Variants in TRPC4AP observed in about 807,000 individuals in gnomAD.
TRPC4AP encodes short transient receptor potential channel 4-associated protein.
A neutral mutation model predicts 99.0 loss-of-function variants in TRPC4AP; 45 were observed. The observed-to-expected ratio is 0.45, with a 90% CI of 0.36 to 0.58. The LOEUF (loss-of-function observed/expected upper bound fraction) is 0.58. Among genes scored for constraint, TRPC4AP ranks in the 20% least tolerant of loss-of-function variants. The pLI is 0.00. For synonymous variants in TRPC4AP, 408 were observed against 385.8 expected (o/e 1.06, Z -0.67); for missense variants, 879 against 985.3 (o/e 0.89, Z 1.44).
At chr20:35,091,498 TC>T (rs1292596348) in intron 1 of TRPC4AP, among the ~76,000 whole-genome samples, 1 of 152,102 alleles carries the variant, frequency 6.6e-6, no homozygotes. Flanking sequence ...TCCCATTTTC[TC>T]CCCCTTTAGC....
chr20:35,040,473 C>G (rs963883858), intron 7 of TRPC4AP, among the ~76,000 whole-genome samples: 2 of 152,172 alleles, frequency 1.3e-5, no homozygotes, highest in Non-Finnish European at 2.9e-5. Flanking sequence ...GAGACTTGCA[C>G]CAGCAGTTTC....
chr20:35,027,731 G>A (rs2083065423), intron 8 of TRPC4AP, among the ~76,000 whole-genome samples: 1 of 152,120 alleles, frequency 6.6e-6, no homozygotes, highest in African/African-American at 2.4e-5. Flanking sequence ...TCCTGAGTTA[G>A]CTGCAATAGT....
chr20:35,075,667 C>A (rs1381519861), intron 2 of TRPC4AP, among the ~76,000 whole-genome samples: 3 of 152,182 alleles, frequency 2.0e-5, no homozygotes, highest in Non-Finnish European at 4.4e-5. Flanking sequence ...GTAACCCGAC[C>A]TTTCTCTCTG....
At chr20:35,012,002 G>A (rs1351873045) in intron 11 of TRPC4AP, among the ~76,000 whole-genome samples, 1 of 152,220 alleles carries the variant, frequency 6.6e-6, no homozygotes, top group Non-Finnish European at 1.5e-5. Flanking sequence ...ATGAGAGCAG[G>A]GGCCATGGCT....
chr20:35,060,124 T>C (rs2083959028), intron 3 of TRPC4AP, among the ~76,000 whole-genome samples: 1 of 151,992 alleles, frequency 6.6e-6, no homozygotes, highest in Admixed American at 6.5e-5. Context: ...CACAAACTCT[T>C]CCAAAAAACA....
At chr20:35,046,394 T>C (rs1263829301) in intron 6 of TRPC4AP, among the ~76,000 whole-genome samples, 1 of 152,222 alleles carries the variant, frequency 6.6e-6, no homozygotes, top group Non-Finnish European at 1.5e-5. Context: ...CCTGCTATCC[T>C]TCATCCCACT....
intron 7 of TRPC4AP, among the ~76,000 whole-genome samples, chr20:35,039,463 T>C (rs1266196008): frequency 6.6e-6 from 1 of 152,244 alleles, no homozygotes. Context: ...TATCCAGTCC[T>C]TGTAATTCTC....
intron 3 of TRPC4AP, among the ~76,000 whole-genome samples, chr20:35,060,387 A>G (rs1352851647): frequency 6.6e-6 from 1 of 151,922 alleles, no homozygotes; most frequent in Non-Finnish European, 1.5e-5. Context: ...AAGAGTATGC[A>G]ACCAGCCTGG....
chr20:35,086,211 G>A (rs941689135), intron 1 of TRPC4AP, among the ~76,000 whole-genome samples: 9 of 151,868 alleles, frequency 5.9e-5, no homozygotes, highest in African/African-American at 1.2e-4. Context: ...CGTCTAGCTC[G>A]GCCTCCCAAA....
chr20:35,054,648 A>C (rs1382038371), intron 5 of TRPC4AP, among the ~76,000 whole-genome samples: 2 of 152,150 alleles, frequency 1.3e-5, no homozygotes, highest in Non-Finnish European at 2.9e-5. Flanking sequence ...AAATAGGCAT[A>C]ATGGAGTTAA....
intron 11 of TRPC4AP, among the ~76,000 whole-genome samples, chr20:35,011,132 C>T (rs551283572): frequency 6.6e-5 from 10 of 152,190 alleles, no homozygotes; most frequent in African/African-American, 1.2e-4. Flanking sequence ...TGGTGGCACA[C>T]GCCTATAATC....
intron 4 of TRPC4AP, 86 bp from the exon 5 acceptor site, chr20:35,055,117 G>T: frequency 8.8e-7 from 1 of 1,138,106 alleles, no homozygotes; most frequent in South Asian, 1.3e-5. Context: ...CATAAGAACT[G>T]TTATAATCCC....
chr20:35,085,044 A>G lies in TRPC4AP; in HGVS notation c.169-6870T>C, dbSNP rs78324790. ...GAGCGAAGAAAATAGATAGTATCTAAAAGTGAAAAGAAACAGCTTTATAAC... is the reference window on the plus strand; with the variant it reads ...GAGCGAAGAAAATAGATAGTATCTAGAAGTGAAAAGAAACAGCTTTATAAC... On this transcript the variant is annotated intron_variant, in intron 1 of 18. Transcript: ENST00000252015. Among the ~76,000 whole-genome samples, 1,035 of 152,322 alleles carry G rather than the reference A, an allele frequency of 6.8e-3. 8 individuals are homozygous for G. Among genetic ancestry groups the G allele is most frequent in the Non-Finnish European group, 0.011 (731 of 68,036 alleles).
intron 2 of TRPC4AP, among the ~76,000 whole-genome samples, chr20:35,071,615 T>A (rs1414117797): frequency 2.0e-5 from 3 of 152,118 alleles, no homozygotes; most frequent in African/African-American, 4.8e-5. Flanking sequence ...CATGAACTCA[T>A]CATTTTTTAT....
At chr20:35,076,106 C>T (rs1020416798) in intron 2 of TRPC4AP, among the ~76,000 whole-genome samples, 2 of 152,182 alleles carry the variant, frequency 1.3e-5, no homozygotes, top group African/African-American at 4.8e-5. Context: ...TGTTCAGCTC[C>T]ATCAGGTCAT....
At chr20:35,069,798 G>A (rs756256839) in intron 2 of TRPC4AP, among the ~76,000 whole-genome samples, 10 of 152,086 alleles carry the variant, frequency 6.6e-5, no homozygotes, top group South Asian at 4.1e-4. Flanking sequence ...AAAATTAGCC[G>A]GATGTGGTGC....
At chr20:35,049,272 A>T (rs1221034711) in intron 6 of TRPC4AP, among the ~76,000 whole-genome samples, 22 of 143,466 alleles carry the variant, frequency 1.5e-4, no homozygotes, top group Middle Eastern at 3.5e-3. Flanking sequence ...TTTTTTTTTT[A>T]AAGTTATGGG....
intron 6 of TRPC4AP, among the ~76,000 whole-genome samples, chr20:35,047,964 T>C (rs1361057812): frequency 6.6e-6 from 1 of 152,118 alleles, no homozygotes. Flanking sequence ...AAAAAGAGGA[T>C]ATTCTGCTGA....
At chr20:35,048,289 G>A (rs2083607652) in intron 6 of TRPC4AP, among the ~76,000 whole-genome samples, 1 of 147,094 alleles carries the variant, frequency 6.8e-6, no homozygotes, top group Non-Finnish European at 1.5e-5. Flanking sequence ...TTGGCTCACT[G>A]CAACCTCTGC....
Sources: allele counts gnomAD v4.1 joint callset (sites outside exome capture counted in the v4.1 genomes callset), GRCh38; gene constraint gnomAD v4.1.1; transcripts MANE v1.5; gene names NCBI Gene and HGNC (gene_info 2026-07-23, HGNC 2026-07-21).